The following RYR2 variants were observed in gnomAD, a reference collection of about 807,000 sequenced individuals.
The protein encoded by RYR2 is ryanodine receptor 2.
RYR2 carries 227 observed loss-of-function variants against 601.1 expected under a neutral mutation model. That is an observed-to-expected ratio of 0.38 (90% CI 0.34 to 0.42). RYR2 has a LOEUF of 0.42. Among genes scored for constraint, RYR2 ranks in the 10% least tolerant of loss-of-function variants. The pLI is 1.00. For missense variants in RYR2, 4,646 were observed against 6,156.5 expected (o/e 0.75, Z 8.21); for synonymous variants, 2,223 against 2,175.1 (o/e 1.02, Z -0.61).
intron 1 of RYR2, among the ~76,000 whole-genome samples, chr1:237,249,000 G>A (rs565940300): frequency 6.6e-6 from 1 of 152,186 alleles, no homozygotes; most frequent in East Asian, 1.9e-4. Flanking sequence ...CCCAATCTCA[G>A]GTGATTCACC....
At chr1:237,733,291 A>G (rs1404870857) in intron 78 of RYR2, among the ~76,000 whole-genome samples, 1 of 152,196 alleles carries the variant, frequency 6.6e-6, no homozygotes. Flanking sequence ...TATTATGGCC[A>G]TCTTGTTTTT....
At chr1:237,810,357 C>CA (rs1251277080) in intron 100 of RYR2, among the ~76,000 whole-genome samples, 4 of 151,972 alleles carry the variant, frequency 2.6e-5, no homozygotes, top group African/African-American at 9.7e-5. Flanking sequence ...AGTGGGCTTG[C>CA]AAATTTGAAA....
At position 237,654,300 on chromosome 1, in the gene RYR2, C is replaced by T. The variant is rs752625888; in HGVS notation, c.7851C>T (p.Cys2617=). ...TGCTGACAAATCATTATGAAAGATGCTGGAAATATTACTGCCTGCCTGGAG... is the reference window on the plus strand; with the variant it reads ...TGCTGACAAATCATTATGAAAGATGTTGGAAATATTACTGCCTGCCTGGAG... The part of the protein sequence containing the change: ...LKLLTNHYER[C]WKYYCLPGGW... Residue 2617 remains cysteine, a synonymous_variant, in exon 52 of 105, where the codon TGC becomes TGT. Transcript: ENST00000366574. 32 of 1,613,826 alleles carry T rather than the reference C, an allele frequency of 2.0e-5. No homozygotes were observed. Among genetic ancestry groups the T allele is most frequent in the Non-Finnish European group, 2.7e-5 (32 of 1,179,812 alleles).
At chr1:237,634,738 A>G (rs1326041173) in intron 43 of RYR2, 151 bp from the exon 44 acceptor site, 2 of 532,950 alleles carry the variant, frequency 3.8e-6, no homozygotes, top group Non-Finnish European at 6.4e-6. Context: ...AATTCAAAAT[A>G]CGTAAAATTA....
intron 1 of RYR2, among the ~76,000 whole-genome samples, chr1:237,074,769 T>G (rs1664797611): frequency 6.6e-6 from 1 of 152,106 alleles, no homozygotes; most frequent in Non-Finnish European, 1.5e-5. Context: ...GGGAGGGCAG[T>G]CCATCAGAGA....
At chr1:237,135,369 T>A (rs1009135308) in intron 1 of RYR2, among the ~76,000 whole-genome samples, 5 of 151,896 alleles carry the variant, frequency 3.3e-5, no homozygotes, top group African/African-American at 7.2e-5. Context: ...GTTTTTTTTT[T>A]ATTTTTCTTT....
chr1:237,262,245 G>GTT (rs386370106), intron 1 of RYR2, among the ~76,000 whole-genome samples: 19,680 of 60,328 alleles, frequency 0.33, 5,992 homozygotes, highest in Non-Finnish European at 0.44. Context: ...GTTCTAAAGA[G>GTT]TTTTTTTTTT....
intron 103 of RYR2, 116 bp from the exon 104 acceptor site, chr1:237,831,398 G>A (rs940253107): frequency 4.9e-6 from 3 of 606,794 alleles, no homozygotes; most frequent in African/African-American, 1.9e-5. Context: ...TTTGCATGTG[G>A]CGTTTTCTCT....
At chr1:237,743,063 T>C (rs949892683) in intron 80 of RYR2, among the ~76,000 whole-genome samples, 1 of 152,200 alleles carries the variant, frequency 6.6e-6, no homozygotes, top group African/African-American at 2.4e-5. Context: ...GCTCTTTTTT[T>C]GTTTTGTTTT....
At chr1:237,289,132 T>C (rs1349285323) in intron 2 of RYR2, among the ~76,000 whole-genome samples, 1 of 152,166 alleles carries the variant, frequency 6.6e-6, no homozygotes, top group East Asian at 1.9e-4. Context: ...ACTTCCATGG[T>C]TGGGGCACTC....
At chr1:237,647,760 A>G (rs1403598292) in intron 48 of RYR2, among the ~76,000 whole-genome samples, 2 of 152,196 alleles carry the variant, frequency 1.3e-5, no homozygotes, top group Non-Finnish European at 2.9e-5. Context: ...GGAAGTAAAT[A>G]AATTCTTCAG....
At chr1:237,167,708 C>CTTTTTTT in intron 1 of RYR2, among the ~76,000 whole-genome samples, 1 of 101,112 alleles carries the variant, frequency 9.9e-6, no homozygotes, top group Non-Finnish European at 1.9e-5. Context: ...GATCCACCTC[C>CTTTTTTT]TTTTTTTTTT....
At chr1:237,351,973 A>C (rs1329462082) in intron 3 of RYR2, among the ~76,000 whole-genome samples, 3 of 151,860 alleles carry the variant, frequency 2.0e-5, no homozygotes, top group Admixed American at 6.6e-5. Context: ...ATATCAACTC[A>C]ATAGCCTATT....
intron 1 of RYR2, among the ~76,000 whole-genome samples, chr1:237,213,177 T>C (rs1018744871): frequency 2.0e-5 from 3 of 151,138 alleles, no homozygotes; most frequent in African/African-American, 4.9e-5. Flanking sequence ...ATTTTTTAGG[T>C]TTTTAAATAT....
intron 1 of RYR2, among the ~76,000 whole-genome samples, chr1:237,190,524 C>G (rs1679862151): frequency 6.6e-6 from 1 of 152,088 alleles, no homozygotes; most frequent in African/African-American, 2.4e-5. Flanking sequence ...AGTTGTCTCT[C>G]TGTGTGTTCC....
chr1:237,235,091 G>A (rs931555131), intron 1 of RYR2, among the ~76,000 whole-genome samples: 6 of 152,174 alleles, frequency 3.9e-5, no homozygotes, highest in Admixed American at 3.9e-4. Context: ...ACTGATTGTT[G>A]AAGGAGTAAG....
At chr1:237,143,809 C>T (rs1673660222) in intron 1 of RYR2, among the ~76,000 whole-genome samples, 1 of 152,160 alleles carries the variant, frequency 6.6e-6, no homozygotes, top group Non-Finnish European at 1.5e-5. Flanking sequence ...AAACCAAAAT[C>T]TCCCAACCCA....
At chr1:237,603,658 T>G (rs1038679947) in intron 35 of RYR2, among the ~76,000 whole-genome samples, 1 of 152,132 alleles carries the variant, frequency 6.6e-6, no homozygotes, top group Non-Finnish European at 1.5e-5. Context: ...TCAAGACCCA[T>G]CAGTGCTGTA....
intron 1 of RYR2, among the ~76,000 whole-genome samples, chr1:237,201,810 G>A (rs1214026376): frequency 6.6e-6 from 1 of 152,146 alleles, no homozygotes; most frequent in Non-Finnish European, 1.5e-5. Context: ...CCCATTGTGG[G>A]CTCCCATTAT....
Sources: allele counts gnomAD v4.1 joint callset (sites outside exome capture counted in the v4.1 genomes callset), GRCh38; gene constraint gnomAD v4.1.1; transcripts MANE v1.5; gene names NCBI Gene and HGNC (gene_info 2026-07-23, HGNC 2026-07-21).